GALNT17: variants seen among roughly 807,000 people sequenced by gnomAD.
GALNT17 encodes polypeptide N-acetylgalactosaminyltransferase 17.
In GALNT17, 29 loss-of-function variants were observed where a neutral mutation model predicts 63.7. The ratio of observed to expected loss-of-function variants is 0.46; its 90% CI spans 0.34 to 0.62. The LOEUF (loss-of-function observed/expected upper bound fraction) is 0.62. Among genes scored for constraint, GALNT17 ranks in the 20% least tolerant of loss-of-function variants. The pLI is 0.01. For missense variants in GALNT17, 603 were observed against 799.6 expected, an observed-to-expected ratio of 0.75 and a Z score of 2.97; for synonymous variants, 305 against 318.3, an observed-to-expected ratio of 0.96 and a Z score of 0.45.
intron 5 of GALNT17, among the ~76,000 whole-genome samples, chr7:71,500,276 C>G (rs1457759006): frequency 6.6e-6 from 1 of 152,134 alleles, no homozygotes; most frequent in Non-Finnish European, 1.5e-5. Context: ...TGTGTCCTCC[C>G]ATAGTGTTTA....
rs763576405 is a variant in GALNT17 at position 71,670,020 on chromosome 7, A to C, written c.1315A>C (p.Lys439Gln). Residue 439 changes from lysine (K) to glutamine (Q), a missense_variant, in exon 8 of 11, where the codon AAA (lysine) becomes CAA (glutamine). This residue lies in a region of GALNT17 where 336 missense variants were observed against 507.8 expected (regional missense o/e 0.66). Coordinates refer to ENST00000333538, the MANE Select transcript of GALNT17 (RefSeq NM_022479.3). Reference protein sequence around the residue: ...GDVSERRALRKSLKCKNFQWY... With the variant: ...GDVSERRALRQSLKCKNFQWY... ...TGTCTCCGAAAGAAGAGCATTAAGGAAAAGTTTAAAGTGTAAGAATTTCCA... is the reference window on the plus strand; with the variant it reads ...TGTCTCCGAAAGAAGAGCATTAAGGCAAAGTTTAAAGTGTAAGAATTTCCA... 4 of 1,614,056 alleles carry C rather than the reference A, an allele frequency of 2.5e-6. No individual in the cohort carries two copies. In the African/African-American group the frequency reaches 5.3e-5, roughly 22 times the overall value.
At chr7:71,185,189 G>C (rs1397097988) in intron 1 of GALNT17, among the ~76,000 whole-genome samples, 2 of 122,650 alleles carry the variant, frequency 1.6e-5, no homozygotes, top group African/African-American at 6.5e-5. Context: ...TCCTCTCTCT[G>C]TCTCTCTCTG....
intron 5 of GALNT17, among the ~76,000 whole-genome samples, chr7:71,520,400 G>A (rs990949270): frequency 6.6e-6 from 1 of 152,062 alleles, no homozygotes; most frequent in Non-Finnish European, 1.5e-5. Context: ...GTGCAGACCT[G>A]TAATCCCAGC....
chr7:71,191,794 C>T (rs1040190588), intron 1 of GALNT17, among the ~76,000 whole-genome samples: 3 of 152,046 alleles, frequency 2.0e-5, no homozygotes, highest in Non-Finnish European at 2.9e-5. Context: ...TAAGTACCTA[C>T]GAGTGGAATT....
At chr7:71,710,170 TGAACA>T (rs1454573617) in intron 9 of GALNT17, among the ~76,000 whole-genome samples, 1 of 152,170 alleles carries the variant, frequency 6.6e-6, no homozygotes, top group Admixed American at 6.5e-5. Context: ...CCGATGTTGC[TGAACA>T]GAAGACTAGG....
chr7:71,539,446 T>G lies in GALNT17; in HGVS notation c.963-31839T>G, dbSNP rs568707258. 1.2e-4 allele frequency among the ~76,000 whole-genome samples: 19 copies of G among 152,322 alleles called. 1 individual carries two copies. In the South Asian group the frequency reaches 3.9e-3, roughly 32 times the overall value. On this transcript the variant is annotated intron_variant, in intron 5 of 10. Coordinates refer to ENST00000333538, the MANE Select transcript of GALNT17 (RefSeq NM_022479.3). Reference sequence around the variant, plus strand: ...CACTCTCTTCCTTTGAACAGCTTGGTGTAGAGCCTTCCAGCCCCTGTTGCT... The same window carrying G: ...CACTCTCTTCCTTTGAACAGCTTGGGGTAGAGCCTTCCAGCCCCTGTTGCT...
At chr7:71,175,115 T>C (rs532187438) in intron 1 of GALNT17, among the ~76,000 whole-genome samples, 1 of 152,152 alleles carries the variant, frequency 6.6e-6, no homozygotes, top group African/African-American at 2.4e-5. Context: ...TGTCCGTCCA[T>C]TCATCCATCC....
chr7:71,695,533 G>A (rs371172642), intron 9 of GALNT17, among the ~76,000 whole-genome samples: 1 of 152,092 alleles, frequency 6.6e-6, no homozygotes, highest in Non-Finnish European at 1.5e-5. Flanking sequence ...ATATGGAAGC[G>A]TAAGGTAAAT....
intron 5 of GALNT17, among the ~76,000 whole-genome samples, chr7:71,516,245 A>C (rs1197869277): frequency 6.6e-6 from 1 of 152,174 alleles, no homozygotes; most frequent in Non-Finnish European, 1.5e-5. Context: ...TTAGGAAAAA[A>C]AAAGGGAGGC....
At chr7:71,582,837 G>A (rs1312077047) in intron 6 of GALNT17, among the ~76,000 whole-genome samples, 2 of 151,928 alleles carry the variant, frequency 1.3e-5, no homozygotes, top group African/African-American at 4.8e-5. Flanking sequence ...AAGGGGGTGA[G>A]GGAAAAAAGA....
chr7:71,410,879 A>G (rs1320779053), intron 3 of GALNT17, among the ~76,000 whole-genome samples: 2 of 152,210 alleles, frequency 1.3e-5, no homozygotes, highest in Admixed American at 1.3e-4. Flanking sequence ...CTGTTTATCA[A>G]AATCTTAAAA....
chr7:71,329,307 A>G (rs1791760690), intron 1 of GALNT17, among the ~76,000 whole-genome samples: 1 of 152,170 alleles, frequency 6.6e-6, no homozygotes, highest in Admixed American at 6.5e-5. Context: ...GTAAGAGCAC[A>G]CAGAATAAAG....
chr7:71,605,635 G>C (rs950258215), intron 6 of GALNT17, among the ~76,000 whole-genome samples: 3 of 151,662 alleles, frequency 2.0e-5, no homozygotes, highest in Non-Finnish European at 4.4e-5. Flanking sequence ...GTTCTCAAAG[G>C]AGAAAACAAA....
In GALNT17 at chr7:71,473,631, T is replaced by C. The variant is rs189274964; in HGVS notation, c.962+52526T>C. Among the ~76,000 whole-genome samples, 44 of 152,246 alleles carry C rather than the reference T, an allele frequency of 2.9e-4. 5 individuals are homozygous for C. In the East Asian group the frequency reaches 2.9e-3, roughly 10 times the overall value. ...GGTGGGGCATAATGAGGCTTGTCCATCCTTTCTTCTCTTCATGGCCAGGAA... is the reference window on the plus strand; with the variant it reads ...GGTGGGGCATAATGAGGCTTGTCCACCCTTTCTTCTCTTCATGGCCAGGAA... On this transcript the variant is annotated intron_variant, in intron 5 of 10. Transcript: ENST00000333538.
chr7:71,699,926 CCT>C (rs1562741509), intron 9 of GALNT17, among the ~76,000 whole-genome samples: 1 of 151,662 alleles, frequency 6.6e-6, no homozygotes, highest in African/African-American at 2.4e-5. Flanking sequence ...GAGTGAGACC[CCT>C]GTCTCAGAAA....
intron 6 of GALNT17, among the ~76,000 whole-genome samples, chr7:71,626,521 T>G (rs1446638331): frequency 6.6e-6 from 1 of 152,206 alleles, no homozygotes; most frequent in Admixed American, 6.5e-5. Context: ...TCCAGGCTGT[T>G]GCTTTGAACT....
intron 6 of GALNT17, among the ~76,000 whole-genome samples, chr7:71,621,952 G>T (rs1473285078): frequency 6.6e-6 from 1 of 152,202 alleles, no homozygotes; most frequent in East Asian, 1.9e-4. Context: ...TATCATTCCT[G>T]CATGGATATC....
At chr7:71,518,510 C>T (rs1033151140) in intron 5 of GALNT17, among the ~76,000 whole-genome samples, 1 of 152,086 alleles carries the variant, frequency 6.6e-6, no homozygotes, top group African/African-American at 2.4e-5. Flanking sequence ...AGCAGGATGC[C>T]ATTAATCACG....
chr7:71,143,282 T>A lies in GALNT17; in HGVS notation c.238+10242T>A, dbSNP rs142979114. Among the ~76,000 whole-genome samples, 3 of 150,048 alleles carry A rather than the reference T, an allele frequency of 2.0e-5. No homozygotes were observed. In the South Asian group the frequency reaches 6.3e-4, roughly 32 times the overall value. On this transcript the variant is annotated intron_variant, in intron 1 of 10. Coordinates refer to ENST00000333538, the MANE Select transcript of GALNT17 (RefSeq NM_022479.3). ...ACTAAAAGTACAAAAATTAGCCGGG[T>A]GTGGTGGCGGGCACCCGTCATCCCA...
Sources: allele counts gnomAD v4.1 joint callset (sites outside exome capture counted in the v4.1 genomes callset), GRCh38; gene constraint gnomAD v4.1.1; regional missense constraint gnomAD v4.1.1; transcripts MANE v1.5; gene names NCBI Gene and HGNC (gene_info 2026-07-23, HGNC 2026-07-21).